Variants in STXBP5L observed in about 807,000 individuals in gnomAD.
The protein encoded by STXBP5L is syntaxin-binding protein 5-like.
STXBP5L carries 65 observed loss-of-function variants against 144.5 expected under a neutral mutation model. That is an observed-to-expected ratio of 0.45 (90% CI 0.37 to 0.55). The LOEUF is 0.55. STXBP5L is among the 20% of genes least tolerant of loss of function. The pLI is 0.00. For synonymous variants in STXBP5L, 505 were observed against 469.6 expected (o/e 1.08, Z -0.97); for missense variants, 1,298 against 1,405.5 (o/e 0.92, Z 1.22).
intron 8 of STXBP5L, among the ~76,000 whole-genome samples, chr3:121,153,394 G>C (rs1046322959): frequency 6.6e-6 from 1 of 152,032 alleles, no homozygotes; most frequent in Non-Finnish European, 1.5e-5. Context: ...GGAGTAGGAA[G>C]AGATAGGAGG....
In STXBP5L at chr3:121,248,967, C is replaced by T. The variant is rs181220517; in HGVS notation, c.1401-1756C>T. 2.3e-3 allele frequency among the ~76,000 whole-genome samples: 357 copies of T among 151,916 alleles called. 5 individuals carry two copies. Among genetic ancestry groups the T allele is most frequent in the African/African-American group, 8.2e-3 (342 of 41,472 alleles). On this transcript the variant is annotated intron_variant, in intron 14 of 26. Coordinates refer to ENST00000471454, the MANE Select transcript of STXBP5L (RefSeq NM_001308330.2). The stretch of plus-strand genomic sequence containing the variant: ...AGGTCACATGGTTGTAGGTGTGAGG[C>T]TTTCTCAGTTTTCTCTTCTGTTCCA...
rs541482742 is a variant in STXBP5L at position 120,976,906 on chromosome 3, G to C, written c.287+21869G>C. On this transcript the variant is annotated intron_variant, in intron 3 of 26. Transcript: ENST00000471454. ...TTAGTTTGATTGCACTGTGGTCTGAGAGACAGTTTGTTATAATTTCTGTTC... is the reference window on the plus strand; with the variant it reads ...TTAGTTTGATTGCACTGTGGTCTGACAGACAGTTTGTTATAATTTCTGTTC... Among the ~76,000 whole-genome samples, 23 of 152,186 alleles carry C rather than the reference G, an allele frequency of 1.5e-4. No homozygotes were observed. The South Asian group carries it at 4.4e-3, about 29-fold the overall frequency.
At chr3:121,208,249 C>T (rs2048416434) in intron 10 of STXBP5L, among the ~76,000 whole-genome samples, 1 of 149,500 alleles carries the variant, frequency 6.7e-6, no homozygotes. Context: ...AACCAAACAC[C>T]ACATGTTCTC....
intron 22 of STXBP5L, among the ~76,000 whole-genome samples, chr3:121,401,608 A>G (rs1039300332): frequency 3.7e-5 from 5 of 134,370 alleles, no homozygotes; most frequent in South Asian, 2.7e-4. Flanking sequence ...CATGGATGAA[A>G]TTGGAAACCA....
At chr3:121,019,032 C>T (rs1256388483) in intron 3 of STXBP5L, among the ~76,000 whole-genome samples, 2 of 152,148 alleles carry the variant, frequency 1.3e-5, no homozygotes, top group Non-Finnish European at 2.9e-5. Flanking sequence ...GTTGAGGGGG[C>T]ACAGTGGGAG....
rs1360721179 is a variant in STXBP5L, at chr3:121,337,042, C to G, written c.2176+18502C>G. ...GCATGTTCTCATTTACAAGTGGGAGCTAAATGATGAGAACACGTGGACACA... is the reference window on the plus strand; with the variant it reads ...GCATGTTCTCATTTACAAGTGGGAGGTAAATGATGAGAACACGTGGACACA... On this transcript the variant is annotated intron_variant, in intron 20 of 26. Transcript: ENST00000471454. 3.9e-5 allele frequency among the ~76,000 whole-genome samples: 6 copies of G among 152,044 alleles called. No homozygotes were observed. In the East Asian group the frequency reaches 1.2e-3, roughly 29 times the overall value.
At chr3:121,093,607 T>C (rs974138702) in intron 5 of STXBP5L, among the ~76,000 whole-genome samples, 6 of 152,238 alleles carry the variant, frequency 3.9e-5, no homozygotes, top group African/African-American at 1.4e-4. Flanking sequence ...TTCTGTGGGA[T>C]CAGTGGTGAT....
chr3:121,273,403 A>C (rs2050786740), intron 18 of STXBP5L, among the ~76,000 whole-genome samples: 1 of 151,490 alleles, frequency 6.6e-6, no homozygotes, highest in Non-Finnish European at 1.5e-5. Context: ...GTTCCCTTGT[A>C]TGTAACAAGT....
intron 19 of STXBP5L, among the ~76,000 whole-genome samples, chr3:121,313,271 T>C (rs2043619121): frequency 7.7e-6 from 1 of 130,350 alleles, no homozygotes; most frequent in African/African-American, 3.0e-5. Context: ...GAGGGGCTCC[T>C]CACTTCCCAG....
chr3:121,381,196 C>G, intron 21 of STXBP5L, 97 bp from the exon 22 acceptor site: 10 of 1,234,108 alleles, frequency 8.1e-6, no homozygotes, highest in Non-Finnish European at 1.1e-5. Flanking sequence ...TGAAATTTTA[C>G]TTCCTCCTCA....
chr3:121,159,456 C>A (rs532215371), intron 9 of STXBP5L, among the ~76,000 whole-genome samples: 9 of 152,060 alleles, frequency 5.9e-5, no homozygotes, highest in African/African-American at 2.2e-4. Flanking sequence ...TAGGTGTGAG[C>A]AACCACACCC....
chr3:121,011,027 T>C (rs531712957), intron 3 of STXBP5L, among the ~76,000 whole-genome samples: 20 of 150,828 alleles, frequency 1.3e-4, no homozygotes, highest in Non-Finnish European at 2.2e-4. Context: ...AGTAGGGGAA[T>C]ATAATCATTT....
intron 9 of STXBP5L, among the ~76,000 whole-genome samples, chr3:121,182,367 A>G (rs568381763): frequency 1.3e-5 from 2 of 152,224 alleles, no homozygotes; most frequent in East Asian, 1.9e-4. Context: ...TTTTAAAAGG[A>G]ATCCTCAACA....
intron 22 of STXBP5L, among the ~76,000 whole-genome samples, chr3:121,385,539 CA>C (rs1560043847): frequency 1.3e-5 from 2 of 152,188 alleles, no homozygotes; most frequent in South Asian, 4.2e-4. Context: ...AACAAACATC[CA>C]AACCATATCA....
chr3:121,214,655 T>C (rs926877748), intron 10 of STXBP5L, among the ~76,000 whole-genome samples: 1 of 152,220 alleles, frequency 6.6e-6, no homozygotes, highest in African/African-American at 2.4e-5. Flanking sequence ...AAGTTCATTG[T>C]GGCACTGAGA....
intron 3 of STXBP5L, among the ~76,000 whole-genome samples, chr3:121,001,177 C>T (rs1430293993): frequency 1.3e-5 from 2 of 152,150 alleles, no homozygotes; most frequent in African/African-American, 2.4e-5. Context: ...ACTGGCATAG[C>T]CATTGGGGAG....
intron 11 of STXBP5L, among the ~76,000 whole-genome samples, chr3:121,228,938 A>G (rs950755391): frequency 2.0e-5 from 3 of 152,222 alleles, no homozygotes; most frequent in African/African-American, 7.2e-5. Context: ...AGGTGACCAG[A>G]TTTTTAAACT....
chr3:121,081,449 C>T (rs146178164), intron 5 of STXBP5L, among the ~76,000 whole-genome samples: 59 of 152,048 alleles, frequency 3.9e-4, no homozygotes, highest in African/African-American at 1.2e-3. Flanking sequence ...GGTGCTTTTA[C>T]GGGTGAAGAC....
At position 121,405,437 on chromosome 3, in the gene STXBP5L, A is replaced by G. The variant is rs934557143; in HGVS notation, c.2588-1806A>G. Among the ~76,000 whole-genome samples, 8 of 152,056 alleles carry G rather than the reference A, an allele frequency of 5.3e-5. No homozygotes were observed. The South Asian group carries it at 6.2e-4, about 12-fold the overall frequency. On this transcript the variant is annotated intron_variant, in intron 22 of 26. Transcript: ENST00000471454. ...GGGACTTTTGTCTGTTTTATTCACC[A>G]CTATATTGACTATGACTAAAATAGA...
Sources: allele counts gnomAD v4.1 joint callset (sites outside exome capture counted in the v4.1 genomes callset), GRCh38; gene constraint gnomAD v4.1.1; transcripts MANE v1.5; gene names NCBI Gene and HGNC (gene_info 2026-07-23, HGNC 2026-07-21).